GALNT9: variants seen among roughly 807,000 people sequenced by gnomAD.
GALNT9 encodes polypeptide N-acetylgalactosaminyltransferase 9, also known as GalNAc transferase 9.
In GALNT9, 47 loss-of-function variants were observed where a neutral mutation model predicts 63.1. The observed-to-expected ratio is 0.75, with a 90% CI of 0.59 to 0.95. The LOEUF is 0.95. Ranked by LOEUF, GALNT9 falls within the 40% of genes least tolerant of loss-of-function variation. The pLI, the probability that GALNT9 is intolerant of heterozygous loss-of-function variation, is 0.00. For synonymous variants in GALNT9, 396 were observed against 365.7 expected (o/e 1.08, Z -0.94); for missense variants, 829 against 874.8 (o/e 0.95, Z 0.66).
chr12:132,205,815 G>A (rs1876653566), intron 6 of GALNT9: 3 of 152,344 alleles, frequency 2.0e-5, no homozygotes, highest in African/African-American at 7.2e-5. Context: ...GTTCGCAGCG[G>A]GAAGGGGCCC....
At chr12:132,297,939 A>G (rs1427322893) in intron 1 of GALNT9, among the ~76,000 whole-genome samples, 1 of 151,436 alleles carries the variant, frequency 6.6e-6, no homozygotes. Flanking sequence ...AGCCAATCCC[A>G]CAATAATCAA....
At chr12:132,313,578 G>A (rs116340285) in intron 1 of GALNT9, among the ~76,000 whole-genome samples, 16,579 of 73,436 alleles carry the variant, frequency 0.23, 1,316 homozygotes, top group Middle Eastern at 0.38. Context: ...ATCCACCCAA[G>A]TACCCAGCCA....
At chr12:132,228,732 T>C (rs2135525088) in intron 6 of GALNT9, among the ~76,000 whole-genome samples, 1 of 152,104 alleles carries the variant, frequency 6.6e-6, no homozygotes, top group African/African-American at 2.4e-5. Flanking sequence ...GTCCGAGCGT[T>C]TCAAGACAGA....
At position 132,282,237 on chromosome 12, in the gene GALNT9, C is replaced by T. The variant is rs1327504518; in HGVS notation, c.419+4013G>A. Among the ~76,000 whole-genome samples, 6 of 151,288 alleles carry T rather than the reference C, an allele frequency of 4.0e-5. No homozygotes were observed. The highest frequency in any genetic ancestry group is 7.4e-5 in the Non-Finnish European group (5 of 67,836). ...TCAGCTCCACTGCAGCAAGGCCAGG[C>T]CTGGGGTCCCACATCCCACAGAGGG... On this transcript the variant is annotated intron_variant, in intron 2 of 10. Transcript: ENST00000328957. This position sits in a 1 kb window ranked among gnomAD's most constrained non-coding sequence, Gnocchi z 4.5.
chr12:132,329,159 G>C lies in GALNT9; in HGVS notation c.45C>G (p.Ile15Met). Residue 15 changes from isoleucine to methionine, a missense_variant, in exon 1 of 11, where the codon ATC (isoleucine) becomes ATG (methionine). Coordinates refer to ENST00000328957, the MANE Select transcript of GALNT9 (RefSeq NM_001122636.2). ...ACAGGACGATGCCCACGAACACCAG[G>C]ATGTTCACCGTCAGCAAAGTTCGGA... ...RKIRTLLTVN[I>M]LVFVGIVLFS... is the part of the protein sequence containing the mutation. 1.9e-6 allele frequency: 3 copies of C among 1,549,172 alleles called. No homozygotes were observed. Among genetic ancestry groups the C allele is most frequent in the Non-Finnish European group, 2.6e-6 (3 of 1,146,288 alleles).
At chr12:132,301,691 C>T (rs560164049) in intron 1 of GALNT9, among the ~76,000 whole-genome samples, 1 of 152,366 alleles carries the variant, frequency 6.6e-6, no homozygotes, top group African/African-American at 2.4e-5. Flanking sequence ...CACTCGCTGG[C>T]CAGAGAGGGA....
intron 1 of GALNT9, among the ~76,000 whole-genome samples, chr12:132,321,024 G>A (rs73152608): frequency 0.023 from 3,456 of 152,246 alleles, 63 homozygotes; most frequent in Non-Finnish European, 0.035. Flanking sequence ...GTGGACTCTC[G>A]CTCCAGGGGC....
At chr12:132,208,498 C>T (rs1056905168) in intron 6 of GALNT9, among the ~76,000 whole-genome samples, 13 of 152,256 alleles carry the variant, frequency 8.5e-5, no homozygotes, top group African/African-American at 3.1e-4. Context: ...CCAGAACCCA[C>T]CCAGTGCCAA....
intron 6 of GALNT9, among the ~76,000 whole-genome samples, chr12:132,239,514 ACT>A (rs1197162132): frequency 3.3e-5 from 5 of 151,296 alleles, no homozygotes; most frequent in African/African-American, 1.2e-4. Flanking sequence ...AGACACACAC[ACT>A]GAGAGACTGA....
intron 6 of GALNT9, among the ~76,000 whole-genome samples, chr12:132,235,068 GA>G (rs2135527504): frequency 2.6e-5 from 2 of 75,810 alleles, no homozygotes; most frequent in East Asian, 4.3e-4. Flanking sequence ...TGGGGCGACA[GA>G]GGAGACAGCG....
chr12:132,239,505 GACAC>G (rs200111074), intron 6 of GALNT9, among the ~76,000 whole-genome samples: 11 of 150,336 alleles, frequency 7.3e-5, no homozygotes, highest in East Asian at 3.9e-4. Flanking sequence ...GACAGAGAGA[GACAC>G]ACACACTGAG....
At position 132,310,757 on chromosome 12, in the gene GALNT9, G is replaced by A. The variant is rs1375540832; in HGVS notation, c.238+18209C>T. Among the ~76,000 whole-genome samples, 8 of 152,254 alleles carry A rather than the reference G, an allele frequency of 5.3e-5. No individual in the cohort carries two copies. In the South Asian group the frequency reaches 1.5e-3, roughly 28 times the overall value. ...GATAATCGGGGAGGAAGGGGCAGAG[G>A]GAGCGCGCGCTGGGAAGGTGGGAGC... On this transcript the variant is annotated intron_variant, in intron 1 of 10. Coordinates refer to ENST00000328957, the MANE Select transcript of GALNT9 (RefSeq NM_001122636.2). This position sits in a 1 kb window ranked among gnomAD's most constrained non-coding sequence, Gnocchi z 4.8.
At chr12:132,269,636 C>T (rs28613987) in intron 2 of GALNT9, among the ~76,000 whole-genome samples, 15,954 of 152,216 alleles carry the variant, frequency 0.1, 2,211 homozygotes, top group African/African-American at 0.32. Context: ...CAGAAGTGAC[C>T]GTGAAGAAAG....
At chr12:132,221,566 C>T (rs1278027091) in intron 6 of GALNT9, among the ~76,000 whole-genome samples, 1 of 139,664 alleles carries the variant, frequency 7.2e-6, no homozygotes, top group Admixed American at 7.7e-5. Flanking sequence ...GAGGCTGAGG[C>T]AGGAGAATTC....
Position 132,329,223 on chromosome 12 carries a change from G to C in GALNT9, c.-20C>G. 6.5e-7 allele frequency: 1 copy of C among 1,533,874 alleles called. No homozygotes were observed. The highest frequency in any genetic ancestry group is 2.5e-5 in the East Asian group (1 of 40,330). Reference sequence around the variant, plus strand: ...CGCCATGAACACGGCTGCAGCGGGGGCCTCACCCGCGGGGCATCCCCAGCA... The same window carrying C: ...CGCCATGAACACGGCTGCAGCGGGGCCCTCACCCGCGGGGCATCCCCAGCA... On this transcript the variant is annotated 5_prime_UTR_variant, in exon 1 of 11. Coordinates refer to ENST00000328957, the MANE Select transcript of GALNT9 (RefSeq NM_001122636.2).
At chr12:132,222,215 T>C (rs1172248135) in intron 6 of GALNT9, among the ~76,000 whole-genome samples, 1 of 152,050 alleles carries the variant, frequency 6.6e-6, no homozygotes, top group East Asian at 1.9e-4. Flanking sequence ...ATTCTACGAG[T>C]ATCAGAAAGA....
rs192715596 is a variant in GALNT9, at chr12:132,245,126, G to A, written c.1077+2784C>T. ...GGTGACACAGGCTCCCCTGCCCCGC[G>A]GAGGAGTCAGGCCATCAGAAAGGCC... is the stretch of plus-strand genomic sequence containing the variant. On this transcript the variant is annotated intron_variant, in intron 6 of 10. Coordinates refer to ENST00000328957, the MANE Select transcript of GALNT9 (RefSeq NM_001122636.2). This position sits in a 1 kb window ranked among gnomAD's most constrained non-coding sequence, Gnocchi z 6.3. Among the ~76,000 whole-genome samples the A allele has an allele frequency of 1.7e-4, 26 of 152,046 alleles. No homozygotes were observed. The highest frequency in any genetic ancestry group is 6.3e-4 in the African/African-American group (26 of 41,456).
rs1215813686 is a variant in GALNT9, at chr12:132,268,098, C to T, written c.420-5473G>A. On this transcript the variant is annotated intron_variant, in intron 2 of 10. Coordinates refer to ENST00000328957, the MANE Select transcript of GALNT9 (RefSeq NM_001122636.2). ...GCAGTCACATGCACACAAACCCACA[C>T]GCGCACTCACACACACAAACCCACA... 2.1e-4 allele frequency among the ~76,000 whole-genome samples: 30 copies of T among 144,144 alleles called. No individual in the cohort carries two copies. In the South Asian group the frequency reaches 2.8e-3, roughly 13 times the overall value. The allele number at this position is 144,144 out of a possible 152,430, so 94.6% of individuals were successfully genotyped here.
chr12:132,328,958 C>T lies in GALNT9; in HGVS notation c.238+8G>A, dbSNP rs782262722. The T allele has an allele frequency of 2.0e-6, 3 of 1,515,574 alleles. No individual in the cohort carries two copies. Among genetic ancestry groups the T allele is most frequent in the South Asian group, 1.2e-5 (1 of 81,360 alleles). The allele number at this position is 1,515,574 out of a possible 1,614,324, so 93.9% of individuals were successfully genotyped here. A position where few individuals can be genotyped will look rare whatever the true frequency, so the allele number is the denominator to read the frequency against. The stretch of plus-strand genomic sequence containing the variant: ...CTGCCCCCACTCCGCCCCGGCGCCC[C>T]CGCTCACCGTTGAGCTGGTTGTAGA... On this transcript the variant is annotated splice_region_variant and intron_variant, in intron 1 of 10. Transcript: ENST00000328957.
Sources: allele counts gnomAD v4.1 joint callset (sites outside exome capture counted in the v4.1 genomes callset), GRCh38; gene constraint gnomAD v4.1.1; non-coding constraint Gnocchi (gnomAD v3.1); transcripts MANE v1.5; gene names NCBI Gene and HGNC (gene_info 2026-07-23, HGNC 2026-07-21).